Variants in CNBD1 observed in about 807,000 individuals in gnomAD.
The protein encoded by CNBD1 is cyclic nucleotide binding domain containing 1, also known as cyclic nucleotide-binding domain-containing protein 1.
CNBD1 carries 71 observed loss-of-function variants against 54.4 expected under a neutral mutation model. That is an observed-to-expected ratio of 1.30 (90% CI 1.08 to 1.59). The LOEUF is 1.59. CNBD1 is among the 40% of genes most tolerant of loss of function. The pLI is 0.00. For missense variants in CNBD1, 659 were observed against 518.0 expected (o/e 1.27, Z -2.64); for synonymous variants, 182 against 170.7 (o/e 1.07, Z -0.51).
intron 6 of CNBD1, among the ~76,000 whole-genome samples, chr8:87,256,792 A>T (rs1345286674): frequency 9.7e-6 from 1 of 103,258 alleles, no homozygotes; most frequent in Non-Finnish European, 2.0e-5. Flanking sequence ...TACAATGGAT[A>T]TACAGTTCCA....
chr8:87,309,818 G>A (rs1809227443), intron 8 of CNBD1, among the ~76,000 whole-genome samples: 1 of 151,866 alleles, frequency 6.6e-6, no homozygotes, highest in Non-Finnish European at 1.5e-5. Flanking sequence ...GTACCATATT[G>A]AAAGTCCTAG....
intron 4 of CNBD1, among the ~76,000 whole-genome samples, chr8:87,168,273 A>C (rs1004805046): frequency 5.3e-5 from 8 of 152,110 alleles, no homozygotes; most frequent in Admixed American, 4.6e-4. Flanking sequence ...GTATCTATTT[A>C]AATTAGTTTT....
At chr8:87,329,667 A>G (rs536369530) in intron 8 of CNBD1, among the ~76,000 whole-genome samples, 3 of 152,134 alleles carry the variant, frequency 2.0e-5, no homozygotes, top group Non-Finnish European at 2.9e-5. Flanking sequence ...TTATAATTAA[A>G]TAATATTATG....
chr8:87,292,277 G>T (rs188605853), intron 8 of CNBD1, among the ~76,000 whole-genome samples: 2 of 152,258 alleles, frequency 1.3e-5, no homozygotes, highest in East Asian at 3.9e-4. Flanking sequence ...GAGAATAAAG[G>T]CAATTTGGAT....
chr8:87,093,883 T>C (rs1170041370), intron 4 of CNBD1, among the ~76,000 whole-genome samples: 1 of 152,108 alleles, frequency 6.6e-6, no homozygotes, highest in African/African-American at 2.4e-5. Context: ...AATTCCTCTG[T>C]TAGATGCTTC....
rs1337770252 is a variant in CNBD1, at chr8:87,382,746, T to C, written c.*119T>C. ...GAATTTGGTCTATTGTGACTACATA[T>C]CCTGGATTCCCCAGGAAAGTCCCAC... On this transcript the variant is annotated 3_prime_UTR_variant, in exon 11 of 11. Coordinates refer to ENST00000518476, the MANE Select transcript of CNBD1 (RefSeq NM_173538.3). 1.6e-6 allele frequency: 1 copy of C among 636,442 alleles called. No individual in the cohort carries two copies. 39.4% of individuals were successfully genotyped at this position (636,442 alleles called of 1,614,324 possible). A position where few individuals can be genotyped will look rare whatever the true frequency, so the allele number is the denominator to read the frequency against.
intron 5 of CNBD1, among the ~76,000 whole-genome samples, chr8:87,232,128 T>C (rs892902327): frequency 1.2e-4 from 19 of 152,110 alleles, no homozygotes; most frequent in African/African-American, 4.6e-4. Context: ...CATAGCTGAG[T>C]AGTATTCCAT....
At chr8:87,259,524 T>C (rs1002309013) in intron 6 of CNBD1, among the ~76,000 whole-genome samples, 13 of 152,234 alleles carry the variant, frequency 8.5e-5, no homozygotes, top group African/African-American at 2.2e-4. Context: ...CTAAAAGACA[T>C]TACTGTTTTT....
At chr8:87,068,955 T>C (rs753110673) in intron 4 of CNBD1, among the ~76,000 whole-genome samples, 3 of 152,050 alleles carry the variant, frequency 2.0e-5, no homozygotes, top group Non-Finnish European at 4.4e-5. Context: ...TGCCTATGAA[T>C]AGAGCAAGTT....
intron 4 of CNBD1, among the ~76,000 whole-genome samples, chr8:87,096,908 G>A (rs1181494727): frequency 1.3e-5 from 2 of 151,928 alleles, no homozygotes; most frequent in Non-Finnish European, 2.9e-5. Flanking sequence ...AAGTTTAAAT[G>A]CCAGAAAGCA....
intron 8 of CNBD1, among the ~76,000 whole-genome samples, chr8:87,324,588 C>T (rs974500306): frequency 7.6e-5 from 11 of 145,006 alleles, no homozygotes; most frequent in African/African-American, 2.4e-4. Context: ...AGTTTATTTG[C>T]GTAGAGGTGT....
intron 4 of CNBD1, among the ~76,000 whole-genome samples, chr8:86,970,622 G>T (rs576947580): frequency 6.6e-6 from 1 of 150,584 alleles, no homozygotes; most frequent in South Asian, 2.1e-4. Flanking sequence ...CCCACCTGTA[G>T]TAGTCCACAG....
At chr8:87,113,168 T>C (rs1235884535) in intron 4 of CNBD1, among the ~76,000 whole-genome samples, 2 of 152,196 alleles carry the variant, frequency 1.3e-5, no homozygotes, top group East Asian at 3.9e-4. Context: ...AAGAGGCTAA[T>C]GCCAGTCAAG....
intron 3 of CNBD1, among the ~76,000 whole-genome samples, chr8:86,934,673 T>G (rs535232115): frequency 1.3e-5 from 2 of 152,354 alleles, no homozygotes; most frequent in East Asian, 3.9e-4. Flanking sequence ...GCTAACAGTT[T>G]GTATTACAAA....
At chr8:86,917,154 A>G (rs1394450719) in intron 3 of CNBD1, among the ~76,000 whole-genome samples, 1 of 114,560 alleles carries the variant, frequency 8.7e-6, no homozygotes, top group Non-Finnish European at 2.1e-5. Flanking sequence ...AAAAGAAAAA[A>G]AAAGAATATC....
intron 4 of CNBD1, among the ~76,000 whole-genome samples, chr8:87,095,826 T>G (rs949228134): frequency 1.3e-5 from 2 of 152,164 alleles, no homozygotes; most frequent in South Asian, 2.1e-4. Flanking sequence ...CCTGGCTATT[T>G]TTTTGTATTT....
At chr8:87,261,646 A>C (rs1808142863) in intron 6 of CNBD1, among the ~76,000 whole-genome samples, 1 of 152,060 alleles carries the variant, frequency 6.6e-6, no homozygotes, top group Non-Finnish European at 1.5e-5. Flanking sequence ...AACACTTAGC[A>C]GTCAATGGGT....
rs530560740 is a variant in CNBD1 at position 87,106,131 on chromosome 8, T to C, written c.432-99862T>C. Among the ~76,000 whole-genome samples the C allele has an allele frequency of 4.6e-5, 7 of 152,196 alleles. No individual in the cohort carries two copies. In the East Asian group the frequency reaches 1.3e-3, roughly 29 times the overall value. On this transcript the variant is annotated intron_variant, in intron 4 of 10. Coordinates refer to ENST00000518476, the MANE Select transcript of CNBD1 (RefSeq NM_173538.3). ...TGAATATTAGATATTTTCTTTTTCT[T>C]TCTTTCCTTTCTTTTCTTCTTTTTT...
chr8:87,045,069 G>C (rs1235825650), intron 4 of CNBD1, among the ~76,000 whole-genome samples: 5 of 152,170 alleles, frequency 3.3e-5, no homozygotes, highest in Admixed American at 6.5e-5. Flanking sequence ...GATACTTCCT[G>C]ATGGAGAGGG....
Sources: gnomAD v4.1 joint callset for allele counts (sites outside exome capture counted in the v4.1 genomes callset) on GRCh38, gnomAD v4.1.1 for gene constraint, MANE v1.5 for transcripts, NCBI Gene and HGNC (gene_info 2026-07-23, HGNC 2026-07-21) for gene names.